Variants in DNAH2 observed in about 807,000 individuals in gnomAD.
DNAH2 encodes the protein axonemal beta dynein heavy chain 2.
Under a neutral mutation model 523.5 loss-of-function variants are expected in DNAH2, and 323 were observed. The observed-to-expected ratio is 0.62, with a 90% CI of 0.56 to 0.68. The LOEUF (loss-of-function observed/expected upper bound fraction) is 0.68. Ranked by LOEUF, DNAH2 falls within the 30% of genes least tolerant of loss-of-function variation. DNAH2 has a pLI of 0.00. For missense variants in DNAH2, 4,907 were observed against 5,701.5 expected (o/e 0.86, Z 4.49); for synonymous variants, 2,093 against 2,177.4 (o/e 0.96, Z 1.08).
Position 7,824,145 on chromosome 17 carries a change from T to C in DNAH2, c.11503T>C (p.Ser3835Pro), listed in dbSNP as rs545849987. Residue 3835 changes from serine to proline, a missense_variant, in exon 76 of 86, where the codon TCC becomes CCC. By Grantham distance (74) the Ser-to-Pro change is moderately conservative. Around this residue, in one of 3 missense-constraint regions of DNAH2, gnomAD observed 1,851 missense variants for 2,139.4 expected, o/e 0.87. Transcript: ENST00000572933. ...GGTGCTGGAGGATTCAACCCCACGA[T>C]CCCCACTCGTGTTCATCCTGTCCCC... is the stretch of plus-strand genomic sequence containing the variant. Reference protein sequence around the residue: ...KSVLEDSTPRSPLVFILSPGV... With the variant: ...KSVLEDSTPRPPLVFILSPGV... The C allele has an allele frequency of 3.8e-6, 6 of 1,567,540 alleles. No homozygotes were observed. The East Asian group carries it at 1.3e-4, about 35-fold the overall frequency.
chr17:7,792,849 C>T lies in DNAH2; in HGVS notation c.7338C>T (p.Ser2446=), dbSNP rs532707394. Residue 2446 remains serine (S), a synonymous_variant, in exon 47 of 86, where the codon TCC becomes TCT. Transcript: ENST00000572933. ...GGTCGGTGCTCGTTGTCAACATGTCCGCACAGGTGTGTCGGGGATCCAGGG... is the reference window on the plus strand; with the variant it reads ...GGTCGGTGCTCGTTGTCAACATGTCTGCACAGGTGTGTCGGGGATCCAGGG... ...SQWSVLVVNM[S]AQTTSNNVQS... is the part of the protein sequence containing the mutation. 1.7e-5 allele frequency: 28 copies of T among 1,613,154 alleles called. No individual in the cohort carries two copies. The highest frequency in any genetic ancestry group is 5.3e-5 in the African/African-American group (4 of 75,010).
At chr17:7,731,494 T>C (rs1396026686) in intron 4 of DNAH2, among the ~76,000 whole-genome samples, 1 of 152,074 alleles carries the variant, frequency 6.6e-6, no homozygotes, top group African/African-American at 2.4e-5. Flanking sequence ...ATTTAATAGT[T>C]TTAATTAAAA....
Position 7,766,313 on chromosome 17 carries a change from C to T in DNAH2, c.3512-5C>T, listed in dbSNP as rs781688831. The T allele has an allele frequency of 1.9e-6, 3 of 1,612,844 alleles. No homozygotes were observed. Among genetic ancestry groups the T allele is most frequent in the Non-Finnish European group, 2.5e-6 (3 of 1,179,150 alleles). ...AAGCTGAGCTTCATCCTGAATCCTC[C>T]ACAGGCCATTTCACCAGCAACGTGG... On this transcript the variant is annotated splice_polypyrimidine_tract_variant and splice_region_variant and intron_variant, in intron 21 of 85. Transcript: ENST00000572933.
chr17:7,760,780 C>G lies in DNAH2; in HGVS notation c.2826C>G (p.Ser942Arg). The G allele has an allele frequency of 1.2e-6, 2 of 1,614,114 alleles. No individual in the cohort carries two copies. Among genetic ancestry groups the G allele is most frequent in the Non-Finnish European group, 8.5e-7 (1 of 1,180,002 alleles). ...EDIKKIQTQI[S>R]SGMTNNASLL... ...TCAAGAAGATCCAGACCCAAATCAG[C>G]AGCGGCATGACTAACAACGCAAGCC... The change falls in exon 18 of 86, where the codon AGC becomes AGG. Residue 942 changes from serine (S) to arginine (R), a missense_variant. Transcript: ENST00000572933. This position sits in a 1 kb window ranked among gnomAD's most constrained non-coding sequence, Gnocchi z 4.0.
intron 4 of DNAH2, among the ~76,000 whole-genome samples, chr17:7,729,327 C>T (rs1005684344): frequency 1.3e-5 from 2 of 151,296 alleles, no homozygotes; most frequent in African/African-American, 4.9e-5. Flanking sequence ...CAAAGGATTA[C>T]TTGAGCCCAG....
intron 4 of DNAH2, among the ~76,000 whole-genome samples, chr17:7,731,741 G>A (rs890306857): frequency 6.6e-6 from 1 of 152,044 alleles, no homozygotes; most frequent in African/African-American, 2.4e-5. Flanking sequence ...TTAAAAAAAT[G>A]GACATGGCCG....
chr17:7,782,993 T>A (rs988885571), intron 39 of DNAH2, among the ~76,000 whole-genome samples: 3 of 152,166 alleles, frequency 2.0e-5, no homozygotes, highest in African/African-American at 7.2e-5. Context: ...GGTCACAGGA[T>A]GATGGTGGTG....
intron 58 of DNAH2, among the ~76,000 whole-genome samples, chr17:7,803,908 G>A (rs1451269881): frequency 1.3e-5 from 2 of 152,228 alleles, no homozygotes; most frequent in Non-Finnish European, 2.9e-5. Flanking sequence ...GCTGAGGGAC[G>A]GCTGCCTGCC....
Position 7,807,560 on chromosome 17 carries a change from G to A in DNAH2, c.9703G>A (p.Ala3235Thr), listed in dbSNP as rs771215997. The change falls in exon 63 of 86, where the codon GCT becomes ACT. Residue 3235 changes from alanine (A) to threonine (T), a missense_variant. Physicochemically the swap from Ala to Thr is moderately conservative, Grantham distance 58. Coordinates refer to ENST00000572933, the MANE Select transcript of DNAH2 (RefSeq NM_020877.5). The surrounding 1 kb of genome is among the most constrained non-coding windows in gnomAD (Gnocchi z 5.6). Reference protein sequence around the residue: ...AQLREKQAALAEAQEKLREVA... With the variant: ...AQLREKQAALTEAQEKLREVA... ...GCTTCGGGAGAAGCAAGCCGCGCTC[G>A]CTGAGGCCCAGGAGAAGCTGCGGGA... is the stretch of plus-strand genomic sequence containing the variant. 26 of 1,612,270 alleles carry A rather than the reference G, an allele frequency of 1.6e-5. No individual in the cohort carries two copies. Among genetic ancestry groups the A allele is most frequent in the Non-Finnish European group, 2.0e-5 (24 of 1,179,980 alleles).
chr17:7,740,408 C>A lies in DNAH2; in HGVS notation c.1377-12C>A. The A allele has an allele frequency of 4.3e-6, 7 of 1,613,836 alleles. No homozygotes were observed. Among genetic ancestry groups the A allele is most frequent in the Non-Finnish European group, 5.9e-6 (7 of 1,179,846 alleles). ...GGGCACTCAGCTGCCACATGCCTCT[C>A]CACCGGTGCAGGTTCCGTGCCGGAA... On this transcript the variant is annotated splice_polypyrimidine_tract_variant and intron_variant, in intron 9 of 85. Transcript: ENST00000572933.
intron 67 of DNAH2, 35 bp from the exon 68 acceptor site, chr17:7,817,911 C>A (rs200589739): frequency 1.2e-6 from 2 of 1,613,886 alleles, no homozygotes; most frequent in African/African-American, 2.7e-5. Context: ...CCACCTCTCC[C>A]GTAGTGTTCC....
At chr17:7,755,166 G>GC (rs1257207631) in intron 12 of DNAH2, among the ~76,000 whole-genome samples, 1 of 152,190 alleles carries the variant, frequency 6.6e-6, no homozygotes, top group Non-Finnish European at 1.5e-5. Context: ...TGCAGAGAGG[G>GC]CAACAGGGCA....
In DNAH2 at chr17:7,780,066, G is replaced by A. The variant is rs911628874; in HGVS notation, c.5723-91G>A. 9 of 1,512,452 alleles carry A rather than the reference G, an allele frequency of 6.0e-6. No homozygotes were observed. Among genetic ancestry groups the A allele is most frequent in the Non-Finnish European group, 8.1e-6 (9 of 1,117,064 alleles). 93.7% of individuals were successfully genotyped at this position (1,512,452 alleles called of 1,614,324 possible). ...GAAAGTTAGGGATGGAGTTAGGGTG[G>A]GAGAAAATGAGACTGATTGGAAAGT... On this transcript the variant is annotated intron_variant, in intron 36 of 85. Coordinates refer to ENST00000572933, the MANE Select transcript of DNAH2 (RefSeq NM_020877.5). The surrounding 1 kb of genome is among the most constrained non-coding windows in gnomAD (Gnocchi z 4.4).
At chr17:7,804,037 C>A (rs2077295203) in intron 58 of DNAH2, among the ~76,000 whole-genome samples, 1 of 152,024 alleles carries the variant, frequency 6.6e-6, no homozygotes, top group Non-Finnish European at 1.5e-5. Context: ...GTAGAACAAA[C>A]CAGAGGAATG....
intron 11 of DNAH2, among the ~76,000 whole-genome samples, chr17:7,741,607 C>T (rs1025621675): frequency 6.6e-6 from 1 of 152,050 alleles, no homozygotes; most frequent in East Asian, 1.9e-4. Context: ...ATCCACCCAC[C>T]TGGGCCTCCC....
At position 7,734,524 on chromosome 17, in the gene DNAH2, CTG is replaced by C; in HGVS notation, c.797_798del (p.Val266GlyfsTer13). ...AAGGAGATGCTCAGTGCCCAGGAGA[CTG>C]TGGAGACAGGAGAAAATTTAGGTCC... On this transcript the variant is annotated frameshift_variant, in exon 7 of 86. Coordinates refer to ENST00000572933, the MANE Select transcript of DNAH2 (RefSeq NM_020877.5). LOFTEE classifies it high-confidence loss of function. The C allele has an allele frequency of 6.2e-7, 1 of 1,613,850 alleles. No homozygotes were observed. The highest frequency in any genetic ancestry group is 8.5e-7 in the Non-Finnish European group (1 of 1,180,010).
At chr17:7,806,381 G>A (rs768307776) in intron 61 of DNAH2, among the ~76,000 whole-genome samples, 3 of 152,192 alleles carry the variant, frequency 2.0e-5, no homozygotes, top group Non-Finnish European at 4.4e-5. Context: ...GAATGGGCCA[G>A]GCACGGTGGC....
In DNAH2 at chr17:7,777,394, G is replaced by A. The variant is rs1266480990; in HGVS notation, c.5059-52G>A. Reference sequence around the variant, plus strand: ...CTGGGTAGGGGCAAGGGTTGATCAGGCTTTGGCGGCATTGCTCTGTCTGCT... The same window carrying A: ...CTGGGTAGGGGCAAGGGTTGATCAGACTTTGGCGGCATTGCTCTGTCTGCT... On this transcript the variant is annotated intron_variant, in intron 32 of 85. Coordinates refer to ENST00000572933, the MANE Select transcript of DNAH2 (RefSeq NM_020877.5). The A allele has an allele frequency of 3.7e-6, 6 of 1,603,026 alleles. No individual in the cohort carries two copies. In the African/African-American group the frequency reaches 4.0e-5, roughly 11 times the overall value.
intron 63 of DNAH2, among the ~76,000 whole-genome samples, chr17:7,812,868 G>C (rs923304377): frequency 1.1e-4 from 16 of 151,108 alleles, no homozygotes; most frequent in African/African-American, 3.4e-4. Flanking sequence ...ACTTGAACCC[G>C]GGAGGCGGGG....
Sources: allele counts gnomAD v4.1 joint callset (sites outside exome capture counted in the v4.1 genomes callset), GRCh38; gene constraint gnomAD v4.1.1; regional missense constraint gnomAD v4.1.1; non-coding constraint Gnocchi (gnomAD v3.1); transcripts MANE v1.5; gene names NCBI Gene and HGNC (gene_info 2026-07-23, HGNC 2026-07-21).